Variants in ZRANB3 observed in about 807,000 individuals in gnomAD.
ZRANB3 encodes the protein DNA annealing helicase and endonuclease ZRANB3.
Under a neutral mutation model 133.8 loss-of-function variants are expected in ZRANB3, and 125 were observed. The ratio of observed to expected loss-of-function variants is 0.93; its 90% confidence interval spans 0.81 to 1.08. The LOEUF (loss-of-function observed/expected upper bound fraction) is 1.08. Ranked by LOEUF, ZRANB3 falls within the 50% of genes least tolerant of loss-of-function variation. ZRANB3 has a pLI of 0.00. For synonymous variants in ZRANB3, 387 were observed against 432.7 expected, an observed-to-expected ratio of 0.89 and a Z score of 1.31; for missense variants, 1,229 against 1,275.5, an observed-to-expected ratio of 0.96 and a Z score of 0.56.
intron 2 of ZRANB3, among the ~76,000 whole-genome samples, chr2:135,497,166 C>A (rs958024245): frequency 2.6e-5 from 4 of 152,128 alleles, no homozygotes; most frequent in Non-Finnish European, 5.9e-5. Flanking sequence ...TATATAAATT[C>A]TCCCCAAACT....
intron 20 of ZRANB3, among the ~76,000 whole-genome samples, chr2:135,201,252 A>G (rs978085918): frequency 6.6e-6 from 1 of 152,206 alleles, no homozygotes. Context: ...TAATTCTCTT[A>G]TAGGTCTTGA....
At chr2:135,206,395 C>T (rs895044718) in intron 19 of ZRANB3, among the ~76,000 whole-genome samples, 5 of 151,820 alleles carry the variant, frequency 3.3e-5, no homozygotes, top group East Asian at 3.9e-4. Context: ...CTTGCCACCA[C>T]GCCTGGCTAA....
intron 3 of ZRANB3, among the ~76,000 whole-genome samples, chr2:135,381,209 T>C (rs149752167): frequency 2.6e-3 from 398 of 152,320 alleles, no homozygotes; most frequent in African/African-American, 8.9e-3. Context: ...TTATATCCCA[T>C]GCCTGGCTCG....
At chr2:135,442,699 T>C (rs573382741) in intron 2 of ZRANB3, among the ~76,000 whole-genome samples, 1 of 152,310 alleles carries the variant, frequency 6.6e-6, no homozygotes, top group East Asian at 1.9e-4. Flanking sequence ...TTACTGGGTA[T>C]ATATCCAAAG....
Position 135,353,743 on chromosome 2 carries a change from G to A in ZRANB3, c.181-115C>T, listed in dbSNP as rs186011991. Reference sequence around the variant, plus strand: ...TAGCTGGGTGTGATGGCTCATGACTGTAATCCCAGCACTTTGGGAGGCTGA... The same window carrying A: ...TAGCTGGGTGTGATGGCTCATGACTATAATCCCAGCACTTTGGGAGGCTGA... On this transcript the variant is annotated intron_variant, in intron 3 of 20. Transcript: ENST00000264159. 6.8e-5 allele frequency: 47 copies of A among 687,606 alleles called. No homozygotes were observed. The African/African-American group carries it at 8.1e-4, about 12-fold the overall frequency. The allele number at this position is 687,606 out of a possible 1,614,324, so 42.6% of individuals were successfully genotyped here.
chr2:135,247,808 C>A (rs1447779124), intron 12 of ZRANB3, among the ~76,000 whole-genome samples: 1 of 152,164 alleles, frequency 6.6e-6, no homozygotes, highest in Non-Finnish European at 1.5e-5. Flanking sequence ...TGTTTGGGCA[C>A]CTTAGCTGTT....
intron 8 of ZRANB3, among the ~76,000 whole-genome samples, chr2:135,302,439 T>G (rs1682476277): frequency 6.6e-6 from 1 of 152,124 alleles, no homozygotes; most frequent in Admixed American, 6.6e-5. Flanking sequence ...CAACTACTTT[T>G]CATCTCTTTT....
At chr2:135,311,308 A>G (rs1682961321) in intron 8 of ZRANB3, among the ~76,000 whole-genome samples, 1 of 152,176 alleles carries the variant, frequency 6.6e-6, no homozygotes, top group Non-Finnish European at 1.5e-5. Context: ...AAAGATGGCA[A>G]TACCTAGTGC....
intron 12 of ZRANB3, among the ~76,000 whole-genome samples, chr2:135,259,061 A>G (rs1679810945): frequency 6.6e-6 from 1 of 152,198 alleles, no homozygotes; most frequent in South Asian, 2.1e-4. Flanking sequence ...TTTTTGAGAC[A>G]GGGTCTCACT....
intron 2 of ZRANB3, among the ~76,000 whole-genome samples, chr2:135,481,241 A>C (rs1275621143): frequency 2.6e-5 from 4 of 151,046 alleles, no homozygotes; most frequent in African/African-American, 4.9e-5. Context: ...ACAGTGTAAA[A>C]GTGTTCCTAT....
chr2:135,399,385 G>A (rs906979585), intron 2 of ZRANB3, among the ~76,000 whole-genome samples: 9 of 152,094 alleles, frequency 5.9e-5, no homozygotes, highest in South Asian at 2.1e-4. Flanking sequence ...GTATGCCATC[G>A]ACAAAAATTC....
At chr2:135,207,206 TA>T (rs1436969648) in intron 19 of ZRANB3, among the ~76,000 whole-genome samples, 1 of 149,474 alleles carries the variant, frequency 6.7e-6, no homozygotes, top group Non-Finnish European at 1.5e-5. Flanking sequence ...AATAAATAAA[TA>T]AATAAATAAA....
intron 2 of ZRANB3, among the ~76,000 whole-genome samples, chr2:135,399,311 G>C (rs1249973694): frequency 6.6e-6 from 1 of 152,160 alleles, no homozygotes; most frequent in Non-Finnish European, 1.5e-5. Context: ...CAGAAATACA[G>C]TGTTTTAAAA....
At chr2:135,314,278 TTAAA>T (rs1446693924) in intron 7 of ZRANB3, among the ~76,000 whole-genome samples, 3 of 152,248 alleles carry the variant, frequency 2.0e-5, no homozygotes, top group Non-Finnish European at 2.9e-5. Flanking sequence ...GTGGTTTGAT[TTAAA>T]TAAAGATGGG....
intron 11 of ZRANB3, among the ~76,000 whole-genome samples, chr2:135,266,136 G>A (rs1680234861): frequency 6.6e-6 from 1 of 152,128 alleles, no homozygotes; most frequent in South Asian, 2.1e-4. Flanking sequence ...TTGAACTCAG[G>A]AGGCGGAGGT....
intron 6 of ZRANB3, among the ~76,000 whole-genome samples, chr2:135,339,836 C>T (rs1468489730): frequency 6.6e-6 from 1 of 152,100 alleles, no homozygotes; most frequent in East Asian, 1.9e-4. Context: ...TTCTCAGTCG[C>T]TGAAATTAGC....
chr2:135,292,570 C>A (rs1325171981), intron 8 of ZRANB3, among the ~76,000 whole-genome samples: 1 of 152,160 alleles, frequency 6.6e-6, no homozygotes, highest in Non-Finnish European at 1.5e-5. Context: ...ATGGTAGTTT[C>A]TTTTGCCGTG....
At chr2:135,310,912 G>T (rs1424605125) in intron 8 of ZRANB3, among the ~76,000 whole-genome samples, 1 of 150,840 alleles carries the variant, frequency 6.6e-6, no homozygotes, top group Non-Finnish European at 1.5e-5. Context: ...ATATAAGAGG[G>T]TATCTTTGTG....
At chr2:135,346,546 C>A (rs1260088865) in intron 5 of ZRANB3, among the ~76,000 whole-genome samples, 1 of 152,066 alleles carries the variant, frequency 6.6e-6, no homozygotes, top group Non-Finnish European at 1.5e-5. Flanking sequence ...ATTCATTCAT[C>A]CATCCATTTG....
Sources: gnomAD v4.1 joint callset for allele counts (sites outside exome capture counted in the v4.1 genomes callset) on GRCh38, gnomAD v4.1.1 for gene constraint, MANE v1.5 for transcripts, NCBI Gene and HGNC (gene_info 2026-07-23, HGNC 2026-07-21) for gene names.